OSBPL5: variants seen among roughly 807,000 people sequenced by gnomAD.
OSBPL5 encodes the protein oxysterol-binding protein-related protein 5.
In OSBPL5, 71 loss-of-function variants were observed where a neutral mutation model predicts 111.2. The ratio of observed to expected loss-of-function variants is 0.64; its 90% CI spans 0.53 to 0.78. The LOEUF (loss-of-function observed/expected upper bound fraction) is 0.78. OSBPL5 is among the 30% of genes least tolerant of loss of function. OSBPL5 has a pLI of 0.00. For missense variants in OSBPL5, 1,210 were observed against 1,189.3 expected, an observed-to-expected ratio of 1.02 and a Z score of -0.26; for synonymous variants, 549 against 513.9, an observed-to-expected ratio of 1.07 and a Z score of -0.93.
At chr11:3,088,938 C>A (rs1856966337) in intron 21 of OSBPL5, among the ~76,000 whole-genome samples, 1 of 152,138 alleles carries the variant, frequency 6.6e-6, no homozygotes, top group Admixed American at 6.5e-5. Flanking sequence ...GAGCCCCTTG[C>A]CGGCAGTACT....
rs114038374 is a variant in OSBPL5 at position 3,108,564 on chromosome 11, G to C, written c.692-619C>G. ...TGTGGGCAGCGGTGGAGCAGGGGCT[G>C]GTCGACAGCTGGGCGCCTCCAAGCC... On this transcript the variant is annotated intron_variant, in intron 7 of 21. Transcript: ENST00000263650. 3.2e-3 allele frequency among the ~76,000 whole-genome samples: 488 copies of C among 152,228 alleles called. 3 individuals carry two copies. Among genetic ancestry groups the C allele is most frequent in the African/African-American group, 0.011 (461 of 41,550 alleles).
At chr11:3,134,159 G>C (rs1378530412) in intron 1 of OSBPL5, among the ~76,000 whole-genome samples, 1 of 152,180 alleles carries the variant, frequency 6.6e-6, no homozygotes, top group African/African-American at 2.4e-5. Flanking sequence ...TTCCATTCCT[G>C]GGGGGCCTAA....
At chr11:3,137,488 G>T (rs1845982112) in intron 1 of OSBPL5, among the ~76,000 whole-genome samples, 1 of 152,210 alleles carries the variant, frequency 6.6e-6, no homozygotes, top group South Asian at 2.1e-4. Flanking sequence ...GAGCAGGGGA[G>T]CAGGGGTCAT....
chr11:3,136,019 G>A (rs1845939979), intron 1 of OSBPL5, among the ~76,000 whole-genome samples: 1 of 152,226 alleles, frequency 6.6e-6, no homozygotes. Flanking sequence ...ACCACTGGGA[G>A]ACAAGAGGTC....
At position 3,105,252 on chromosome 11, in the gene OSBPL5, C is replaced by T. The variant is rs752962431; in HGVS notation, c.1060-875G>A. Among the ~76,000 whole-genome samples the T allele has an allele frequency of 2.0e-5, 3 of 152,340 alleles. No homozygotes were observed. Among genetic ancestry groups the T allele is most frequent in the South Asian group, 2.1e-4 (1 of 4,832 alleles). On this transcript the variant is annotated intron_variant, in intron 9 of 21. Transcript: ENST00000263650. This position sits in a 1 kb window ranked among gnomAD's most constrained non-coding sequence, Gnocchi z 5.2. ...GCCCAACGGCAGCTGCCCCAGGGAG[C>T]GGGCAAGATGGAGTGTGGCCTGTGA...
chr11:3,162,303 A>T lies in OSBPL5; in HGVS notation c.-22+2913T>A, dbSNP rs1846989261. 6.6e-6 allele frequency among the ~76,000 whole-genome samples: 1 copy of T among 152,102 alleles called. No homozygotes were observed. Among genetic ancestry groups the T allele is most frequent in the East Asian group, 1.9e-4 (1 of 5,146 alleles). On this transcript the variant is annotated intron_variant, in intron 1 of 21. Coordinates refer to ENST00000263650, the MANE Select transcript of OSBPL5 (RefSeq NM_020896.4). The surrounding 1 kb of genome is among the most constrained non-coding windows in gnomAD (Gnocchi z 8.1). ...GTGAGGTGGGCTGGGAGGCCGAGCA[A>T]AGCATTTGCTCTCAGCCTGGGTGGC...
chr11:3,096,640 A>C (rs1471063760), intron 14 of OSBPL5, among the ~76,000 whole-genome samples: 6 of 151,638 alleles, frequency 4.0e-5, no homozygotes, highest in Admixed American at 6.6e-5. Flanking sequence ...GACAGAAAGA[A>C]AGAAAGAAAG....
At chr11:3,148,877 G>T (rs1846464626) in intron 1 of OSBPL5, among the ~76,000 whole-genome samples, 1 of 152,254 alleles carries the variant, frequency 6.6e-6, no homozygotes, top group Non-Finnish European at 1.5e-5. Context: ...CAAGATAAAA[G>T]AGGTTATTAA....
rs1243172523 is a variant in OSBPL5, at chr11:3,162,939, T to A, written c.-22+2277A>T. ...CACTGGTGCACTCCCTGGGCTCCCCTGCCAACCCTGCAAGTGGTGGGCACT... is the reference window on the plus strand; with the variant it reads ...CACTGGTGCACTCCCTGGGCTCCCCAGCCAACCCTGCAAGTGGTGGGCACT... On this transcript the variant is annotated intron_variant, in intron 1 of 21. Transcript: ENST00000263650. The surrounding 1 kb of genome is among the most constrained non-coding windows in gnomAD (Gnocchi z 8.1). Among the ~76,000 whole-genome samples the A allele has an allele frequency of 6.6e-6, 1 of 151,886 alleles. No individual in the cohort carries two copies. The highest frequency in any genetic ancestry group is 1.5e-5 in the Non-Finnish European group (1 of 67,988).
intron 14 of OSBPL5, among the ~76,000 whole-genome samples, chr11:3,097,037 A>AGGGGGAAGATGGGAGGAGGAGAGGAAAGG: frequency 4.9e-4 from 1 of 2,042 alleles, no homozygotes; most frequent in Middle Eastern, 0.12. Context: ...GAGAGGAAAG[A>AGGGGGAAGATGGGAGGAGGAGAGGAAAGG]GGGAAGACAG....
At position 3,103,881 on chromosome 11, in the gene OSBPL5, T is replaced by TTTCCAGTCTGCGC. The variant is rs1564830854; in HGVS notation, c.1244+311_1244+312insGCGCAGACTGGAA. On this transcript the variant is annotated intron_variant, in intron 10 of 21. Transcript: ENST00000263650. ...CTGCGCAGCCCCCTTCCTGCCTCTG[T>TTTCCAGTCTGCGC]AGCCCCATTCCTGCCTCTGCAGCCC... Among the ~76,000 whole-genome samples the TTTCCAGTCTGCGC allele has an allele frequency of 8.0e-3, 400 of 49,764 alleles. 11 individuals are homozygous for TTTCCAGTCTGCGC. Among genetic ancestry groups the TTTCCAGTCTGCGC allele is most frequent in the South Asian group, 0.031 (64 of 2,066 alleles). 32.6% of individuals were successfully genotyped at this position (49,764 alleles called of 152,430 possible). A position where few individuals can be genotyped will look rare whatever the true frequency, so the allele number is the denominator to read the frequency against.
chr11:3,145,908 G>A (rs1206112871), intron 1 of OSBPL5, among the ~76,000 whole-genome samples: 1 of 152,196 alleles, frequency 6.6e-6, no homozygotes, highest in Non-Finnish European at 1.5e-5. Flanking sequence ...AGATGACTCT[G>A]GGTGGGCTGA....
chr11:3,123,988 T>C (rs1858511234), intron 3 of OSBPL5, among the ~76,000 whole-genome samples: 1 of 152,210 alleles, frequency 6.6e-6, no homozygotes, highest in Non-Finnish European at 1.5e-5. Context: ...GCCAGTGTCC[T>C]GCTCTTTCAG....
chr11:3,119,031 C>T (rs1460211465), intron 7 of OSBPL5, among the ~76,000 whole-genome samples: 8 of 144,202 alleles, frequency 5.5e-5, no homozygotes, highest in Admixed American at 2.1e-4. Context: ...TTCTTTAAGA[C>T]GGACTTTTGC....
At chr11:3,103,529 C>T (rs890581526) in intron 10 of OSBPL5, among the ~76,000 whole-genome samples, 6 of 152,212 alleles carry the variant, frequency 3.9e-5, no homozygotes, top group East Asian at 1.9e-4. Context: ...GCTGCTCCCA[C>T]GCTGGGGCAG....
At chr11:3,098,724 T>TA (rs1857362518) in intron 14 of OSBPL5, among the ~76,000 whole-genome samples, 1 of 151,932 alleles carries the variant, frequency 6.6e-6, no homozygotes, top group African/African-American at 2.4e-5. Context: ...AGGCTGGTCT[T>TA]AAACTCCTGA....
intron 1 of OSBPL5, among the ~76,000 whole-genome samples, chr11:3,139,595 G>T (rs1846046809): frequency 6.6e-6 from 1 of 152,184 alleles, no homozygotes; most frequent in Non-Finnish European, 1.5e-5. Context: ...GGGGCAGGAT[G>T]GGGGTGGCAG....
At chr11:3,144,479 A>G (rs1002612228) in intron 1 of OSBPL5, among the ~76,000 whole-genome samples, 2 of 152,222 alleles carry the variant, frequency 1.3e-5, no homozygotes, top group African/African-American at 4.8e-5. Context: ...CACAGCCAGC[A>G]GCAAACCCGC....
intron 1 of OSBPL5, among the ~76,000 whole-genome samples, chr11:3,134,867 C>T (rs928774423): frequency 6.6e-5 from 10 of 152,118 alleles, no homozygotes; most frequent in Non-Finnish European, 1.0e-4. Context: ...GTGTGGGTGC[C>T]GGGTGCAGGC....
Sources: allele counts gnomAD v4.1 joint callset (sites outside exome capture counted in the v4.1 genomes callset), GRCh38; gene constraint gnomAD v4.1.1; non-coding constraint Gnocchi (gnomAD v3.1); transcripts MANE v1.5; gene names NCBI Gene and HGNC (gene_info 2026-07-23, HGNC 2026-07-21).